The following CCZ1 variants were observed in gnomAD, a reference collection of about 807,000 sequenced individuals.
The protein encoded by CCZ1 is CCZ1 vacuolar protein trafficking and biogenesis associated, also known as vacuolar fusion protein CCZ1 homolog.
CCZ1 carries 19 observed loss-of-function variants against 57.8 expected under a neutral mutation model. The ratio of observed to expected loss-of-function variants is 0.33; its 90% CI spans 0.23 to 0.48. The LOEUF is 0.48. Ranked by LOEUF, CCZ1 falls within the 20% of genes least tolerant of loss-of-function variation. CCZ1 has a pLI of 0.99. For missense variants in CCZ1, 200 were observed against 492.0 expected (o/e 0.41, Z 5.61); for synonymous variants, 81 against 167.0 (o/e 0.49, Z 3.97).
At chr7:5,909,431 G>A (rs1187467913) in intron 7 of CCZ1, among the ~76,000 whole-genome samples, 1 of 150,518 alleles carries the variant, frequency 6.6e-6, no homozygotes, top group African/African-American at 2.5e-5. Context: ...GCCAGGCACA[G>A]TGGCTCACAT....
Position 5,902,651 on chromosome 7 carries a change from A to C in CCZ1, c.439-10A>C. 2 of 1,576,524 alleles carry C rather than the reference A, an allele frequency of 1.3e-6. No individual in the cohort carries two copies. Among genetic ancestry groups the C allele is most frequent in the Non-Finnish European group, 1.7e-6 (2 of 1,171,326 alleles). ...CTGATTTTTTTTCCTGCAATCTTTT[A>C]CCTCACTAGCTTTTTAATGGTACAT... On this transcript the variant is annotated splice_polypyrimidine_tract_variant and intron_variant, in intron 5 of 14. Transcript: ENST00000325974.
intron 12 of CCZ1, among the ~76,000 whole-genome samples, chr7:5,920,778 A>G (rs1315060064): frequency 9.9e-6 from 1 of 100,832 alleles, no homozygotes; most frequent in African/African-American, 4.2e-5. Flanking sequence ...GGCCATGCTT[A>G]TCTTTTCTCA....
At chr7:5,912,667 T>C (rs1057226516) in intron 9 of CCZ1, among the ~76,000 whole-genome samples, 176 bp from the exon 10 acceptor site, 3 of 151,150 alleles carry the variant, frequency 2.0e-5, no homozygotes, top group Non-Finnish European at 4.4e-5. Flanking sequence ...CCCAAAGTGC[T>C]GGGATTACAG....
chr7:5,900,756 G>T (rs1375438541), intron 3 of CCZ1, 99 bp from the exon 4 acceptor site: 1 of 1,580,614 alleles, frequency 6.3e-7, no homozygotes, highest in African/African-American at 1.4e-5. Flanking sequence ...AAGAAGCTAT[G>T]TTTCTGATGC....
chr7:5,923,048 G>GACT, intron 12 of CCZ1, among the ~76,000 whole-genome samples: 2 of 134,670 alleles, frequency 1.5e-5, no homozygotes, highest in South Asian at 4.4e-4. Context: ...GCCGGGCGCG[G>GACT]GGGCTCACGC....
chr7:5,900,363 C>T lies in CCZ1; in HGVS notation c.200C>T (p.Ala67Val). The T allele has an allele frequency of 5.1e-6, 8 of 1,572,172 alleles. No individual in the cohort carries two copies. Among genetic ancestry groups the T allele is most frequent in the Non-Finnish European group, 5.2e-6 (6 of 1,161,002 alleles). The part of the protein sequence containing the change: ...EKIRNVGLCE[A>V]IVQFTRTFSP... ...ATTAGAAATGTCGGATTGTGTGAAG[C>T]TATTGTACAGTTTACAAGGTAATAC... The change falls in exon 2 of 15, where the codon GCT becomes GTT. Residue 67 changes from alanine to valine, a missense_variant. This residue lies in a region of CCZ1 where 44 missense variants were observed against 122.8 expected (regional missense o/e 0.36). Coordinates refer to ENST00000325974, the MANE Select transcript of CCZ1 (RefSeq NM_015622.6).
At chr7:5,922,996 G>A (rs1219222544) in intron 12 of CCZ1, among the ~76,000 whole-genome samples, 1 of 147,156 alleles carries the variant, frequency 6.8e-6, no homozygotes, top group African/African-American at 2.6e-5. Context: ...TGTGGCAATG[G>A]CGAGGTTCCC....
chr7:5,905,228 AG>A lies in CCZ1; in HGVS notation c.658del (p.Val220SerfsTer17), dbSNP rs1338288782. On this transcript the variant is annotated frameshift_variant, in exon 7 of 15. Transcript: ENST00000325974. LOFTEE classifies it high-confidence loss of function. ...ATAGAATGGAGGAAAGCCTGAATAT[AG>A]TCAAATACACTGCTTTTCTCTATAA... ...INRMEESLNI[V>X]KYTAFLYNDQ... is the part of the protein sequence containing the mutation. The A allele has an allele frequency of 6.4e-7, 1 of 1,553,674 alleles. No homozygotes were observed. Among genetic ancestry groups the A allele is most frequent in the Non-Finnish European group, 8.7e-7 (1 of 1,146,622 alleles).
chr7:5,899,576 AG>A (rs1402532092), intron 1 of CCZ1, among the ~76,000 whole-genome samples: 1 of 107,822 alleles, frequency 9.3e-6, no homozygotes, highest in African/African-American at 3.5e-5. Context: ...TGGGCAACAT[AG>A]CAAGACCCCC....
chr7:5,912,783 C>G, intron 9 of CCZ1, 60 bp from the exon 10 acceptor site: 1 of 1,075,188 alleles, frequency 9.3e-7, no homozygotes, highest in South Asian at 1.3e-5. Flanking sequence ...TGTTCTGTTT[C>G]TAGATTCCTG....
At position 5,921,061 on chromosome 7, in the gene CCZ1, C is replaced by T. The variant is rs1307310955; in HGVS notation, c.1106+1095C>T. Among the ~76,000 whole-genome samples, 6 of 97,328 alleles carry T rather than the reference C, an allele frequency of 6.2e-5. 1 individual carries two copies. Among genetic ancestry groups the T allele is most frequent in the South Asian group, 3.0e-4 (1 of 3,290 alleles). 63.9% of individuals were successfully genotyped at this position (97,328 alleles called of 152,430 possible). On this transcript the variant is annotated intron_variant, in intron 12 of 14. Transcript: ENST00000325974. ...CCGCCTCCCAGGTTCAAGCGATTCT[C>T]CTGCCTCAGCCTCCTGAGTAGCTGG... is the stretch of plus-strand genomic sequence containing the variant.
At chr7:5,911,649 G>C (rs1218674014) in intron 8 of CCZ1, among the ~76,000 whole-genome samples, 1 of 149,256 alleles carries the variant, frequency 6.7e-6, no homozygotes, top group African/African-American at 2.5e-5. Context: ...AGGAGGCTGA[G>C]GTGGGAGGAT....
intron 8 of CCZ1, among the ~76,000 whole-genome samples, chr7:5,910,845 C>G (rs1412331949): frequency 6.8e-6 from 1 of 147,438 alleles, no homozygotes; most frequent in Non-Finnish European, 1.5e-5. Context: ...AAACAATTCT[C>G]CGGCCTCAGG....
At position 5,902,602 on chromosome 7, in the gene CCZ1, T is replaced by C; in HGVS notation, c.439-59T>C. On this transcript the variant is annotated intron_variant, in intron 5 of 14. Transcript: ENST00000325974. ...TCTAAAGGAAAAAAAGAACTTGTTA[T>C]ACTGAAAAAGTGAGCATAGGAAACT... 9 of 1,528,098 alleles carry C rather than the reference T, an allele frequency of 5.9e-6. 1 individual carries two copies. The highest frequency in any genetic ancestry group is 5.4e-5 in the South Asian group (4 of 74,464). The allele number at this position is 1,528,098 out of a possible 1,614,324, so 94.7% of individuals were successfully genotyped here.
intron 6 of CCZ1, among the ~76,000 whole-genome samples, chr7:5,904,764 G>C (rs1781764634): frequency 6.8e-6 from 1 of 147,782 alleles, no homozygotes; most frequent in Admixed American, 6.6e-5. Context: ...CTGGAAGGCG[G>C]AGCTTGCAGT....
At chr7:5,911,323 GTCC>G (rs1205793309) in intron 8 of CCZ1, among the ~76,000 whole-genome samples, 2 of 148,708 alleles carry the variant, frequency 1.3e-5, no homozygotes, top group African/African-American at 2.5e-5. Flanking sequence ...CCTCCCTCTT[GTCC>G]TCCTGCTTTC....
chr7:5,901,578 T>C (rs2024003), intron 4 of CCZ1, 79 bp from the exon 5 acceptor site: 474,490 of 1,429,016 alleles, frequency 0.33, 89,163 homozygotes, highest in Admixed American at 0.52. Flanking sequence ...GGCCAAGAGT[T>C]AGTGTACCTT....
intron 8 of CCZ1, among the ~76,000 whole-genome samples, chr7:5,910,561 T>C (rs1426900822): frequency 7.0e-6 from 1 of 143,406 alleles, no homozygotes; most frequent in African/African-American, 2.5e-5. Context: ...CTCCTGACCT[T>C]GTGATCTGCC....
chr7:5,916,976 C>CA, intron 10 of CCZ1, among the ~76,000 whole-genome samples: 1 of 61,140 alleles, frequency 1.6e-5, no homozygotes. Context: ...TTCTTTGTGG[C>CA]AAATTTTAAA....
Sources: gnomAD v4.1 joint callset for allele counts (sites outside exome capture counted in the v4.1 genomes callset) on GRCh38, gnomAD v4.1.1 for gene constraint, gnomAD v4.1.1 regional missense constraint, MANE v1.5 for transcripts, NCBI Gene and HGNC (gene_info 2026-07-23, HGNC 2026-07-21) for gene names.